TMPRSS11D: variants seen among roughly 807,000 people sequenced by gnomAD.
TMPRSS11D encodes the protein transmembrane serine protease 11D.
In TMPRSS11D, 32 loss-of-function variants were observed where a neutral mutation model predicts 44.4. The ratio of observed to expected loss-of-function variants is 0.72; its 90% confidence interval spans 0.54 to 0.97. The LOEUF is 0.97. Ranked by LOEUF, TMPRSS11D falls within the 50% of genes least tolerant of loss-of-function variation. The pLI, the probability that TMPRSS11D is intolerant of heterozygous loss-of-function variation, is 0.00. For missense variants in TMPRSS11D, 446 were observed against 502.6 expected (o/e 0.89, Z 1.08); for synonymous variants, 179 against 177.9 (o/e 1.01, Z -0.05).
At chr4:67,835,516 T>C (rs1718058890) in intron 5 of TMPRSS11D, among the ~76,000 whole-genome samples, 2 of 152,124 alleles carry the variant, frequency 1.3e-5, no homozygotes, top group African/African-American at 4.8e-5. Context: ...CTCAAATATA[T>C]GTATATTACT....
intron 1 of TMPRSS11D, among the ~76,000 whole-genome samples, chr4:67,879,507 T>C (rs558094820): frequency 6.7e-6 from 1 of 149,548 alleles, no homozygotes; most frequent in East Asian, 2.0e-4. Flanking sequence ...ACTTAAACTC[T>C]GGGGACAGGA....
chr4:67,861,951 T>C (rs754923294), intron 1 of TMPRSS11D, among the ~76,000 whole-genome samples: 4 of 152,190 alleles, frequency 2.6e-5, no homozygotes, highest in Admixed American at 6.6e-5. Context: ...ACTCTAAATA[T>C]GTTTGTAAAC....
chr4:67,845,498 A>G (rs1718337051), intron 3 of TMPRSS11D, among the ~76,000 whole-genome samples: 1 of 152,148 alleles, frequency 6.6e-6, no homozygotes, highest in Non-Finnish European at 1.5e-5. Flanking sequence ...AAAATGATTC[A>G]TCTGTATGCA....
intron 1 of TMPRSS11D, among the ~76,000 whole-genome samples, chr4:67,874,599 A>C (rs1013077424): frequency 1.3e-5 from 2 of 152,120 alleles, no homozygotes; most frequent in Non-Finnish European, 2.9e-5. Context: ...GGAGGTGAGA[A>C]GGGAGGCACT....
chr4:67,826,071 G>T (rs1472476238), intron 8 of TMPRSS11D, among the ~76,000 whole-genome samples, 197 bp from the exon 9 acceptor site: 1 of 151,044 alleles, frequency 6.6e-6, no homozygotes, highest in African/African-American at 2.4e-5. Context: ...TCACAGATCA[G>T]TTTTTTTTTC....
intron 7 of TMPRSS11D, among the ~76,000 whole-genome samples, chr4:67,828,364 A>G (rs151059825): frequency 7.2e-5 from 11 of 152,260 alleles, no homozygotes; most frequent in South Asian, 2.1e-4. Context: ...ATCTCCCCCA[A>G]TCATCAGTTT....
chr4:67,869,593 G>C (rs1313246272), intron 1 of TMPRSS11D, among the ~76,000 whole-genome samples: 1 of 151,898 alleles, frequency 6.6e-6, no homozygotes, highest in East Asian at 1.9e-4. Flanking sequence ...TATGACCGAG[G>C]GAAAATGAAA....
intron 2 of TMPRSS11D, among the ~76,000 whole-genome samples, chr4:67,856,390 C>A (rs145705142): frequency 6.4e-4 from 97 of 152,248 alleles, no homozygotes; most frequent in African/African-American, 2.3e-3. Flanking sequence ...AAAGCACACT[C>A]TTTTCAATAA....
chr4:67,834,860 C>G (rs1345310331), intron 6 of TMPRSS11D, among the ~76,000 whole-genome samples: 1 of 152,038 alleles, frequency 6.6e-6, no homozygotes, highest in Non-Finnish European at 1.5e-5. Flanking sequence ...GGGTAGTCCT[C>G]CACTACAACT....
intron 1 of TMPRSS11D, among the ~76,000 whole-genome samples, chr4:67,872,384 C>T (rs550757102): frequency 2.6e-5 from 4 of 151,660 alleles, no homozygotes; most frequent in Admixed American, 1.3e-4. Context: ...TGCTGGCTAC[C>T]GTAAATTATA....
intron 5 of TMPRSS11D, among the ~76,000 whole-genome samples, chr4:67,836,493 C>T (rs1577808569): frequency 6.6e-6 from 1 of 152,140 alleles, no homozygotes; most frequent in East Asian, 1.9e-4. Context: ...GTTTTGCAAA[C>T]TTCAGTGGAG....
chr4:67,846,300 A>G (rs993812136), intron 3 of TMPRSS11D, among the ~76,000 whole-genome samples: 6 of 152,096 alleles, frequency 3.9e-5, no homozygotes, highest in Non-Finnish European at 8.8e-5. Context: ...CTACATTACT[A>G]ACAATATCCA....
chr4:67,859,136 C>A (rs1718731890), intron 2 of TMPRSS11D, among the ~76,000 whole-genome samples: 2 of 152,016 alleles, frequency 1.3e-5, no homozygotes, highest in South Asian at 4.1e-4. Flanking sequence ...TAGGTACATC[C>A]AAATTTTAGA....
At chr4:67,878,987 T>C (rs1719257986) in intron 1 of TMPRSS11D, among the ~76,000 whole-genome samples, 1 of 152,040 alleles carries the variant, frequency 6.6e-6, no homozygotes, top group Non-Finnish European at 1.5e-5. Flanking sequence ...AATAAAGCAC[T>C]AGGATATTTA....
At chr4:67,857,022 T>C (rs1419760856) in intron 2 of TMPRSS11D, among the ~76,000 whole-genome samples, 1 of 152,074 alleles carries the variant, frequency 6.6e-6, no homozygotes, top group South Asian at 2.1e-4. Context: ...AGAATTCTTA[T>C]ACACTGTTGG....
In TMPRSS11D at chr4:67,821,323, T is replaced by A. The variant is rs1029731929; in HGVS notation, c.*1014A>T. On this transcript the variant is annotated 3_prime_UTR_variant, in exon 10 of 10. Coordinates refer to ENST00000283916, the MANE Select transcript of TMPRSS11D (RefSeq NM_004262.3). ...GACAAAGTTTTTTCTGTCTTCAGGATCATTCTATTGATATTAAGCTATTTA... is the reference window on the plus strand; with the variant it reads ...GACAAAGTTTTTTCTGTCTTCAGGAACATTCTATTGATATTAAGCTATTTA... 1.3e-5 allele frequency: 2 copies of A among 152,156 alleles called. No homozygotes were observed. Among genetic ancestry groups the A allele is most frequent in the Non-Finnish European group, 2.9e-5 (2 of 68,030 alleles). The allele number at this position is 152,156 out of a possible 1,614,324, so 9.4% of individuals were successfully genotyped here.
At chr4:67,870,352 G>A (rs969595441) in intron 1 of TMPRSS11D, among the ~76,000 whole-genome samples, 1 of 152,024 alleles carries the variant, frequency 6.6e-6, no homozygotes, top group Admixed American at 6.6e-5. Context: ...CCTCTCTGCC[G>A]CTCCTCAAGC....
At chr4:67,854,946 A>G (rs1229111154) in intron 2 of TMPRSS11D, among the ~76,000 whole-genome samples, 1 of 152,138 alleles carries the variant, frequency 6.6e-6, no homozygotes, top group Non-Finnish European at 1.5e-5. Context: ...AGAAAACCAG[A>G]CAAGGACACA....
chr4:67,876,619 G>A (rs1255739118), intron 1 of TMPRSS11D, among the ~76,000 whole-genome samples: 2 of 152,132 alleles, frequency 1.3e-5, no homozygotes, highest in African/African-American at 4.8e-5. Flanking sequence ...GATAAATAAA[G>A]TGATCTGCAG....
Sources: allele counts gnomAD v4.1 joint callset (sites outside exome capture counted in the v4.1 genomes callset), GRCh38; gene constraint gnomAD v4.1.1; transcripts MANE v1.5; gene names NCBI Gene and HGNC (gene_info 2026-07-23, HGNC 2026-07-21).